Variants in THSD7B observed in about 807,000 individuals in gnomAD.
THSD7B encodes the protein thrombospondin type 1 domain containing 7B.
A neutral mutation model predicts 213.6 loss-of-function variants in THSD7B; 138 were observed. The ratio of observed to expected loss-of-function variants is 0.65; its 90% confidence interval spans 0.56 to 0.74. THSD7B has a LOEUF of 0.74. Among genes scored for constraint, THSD7B ranks in the 30% least tolerant of loss-of-function variants. THSD7B has a pLI of 0.00. For synonymous variants in THSD7B, 742 were observed against 687.0 expected, an observed-to-expected ratio of 1.08 and a Z score of -1.25; for missense variants, 1,931 against 1,991.5, an observed-to-expected ratio of 0.97 and a Z score of 0.58.
chr2:137,203,446 T>C, intron 7 of THSD7B, among the ~76,000 whole-genome samples: 1 of 152,248 alleles, frequency 6.6e-6, no homozygotes, highest in Middle Eastern at 3.4e-3. Context: ...ATTTTAATGA[T>C]AAATACTTTC....
intron 21 of THSD7B, among the ~76,000 whole-genome samples, chr2:137,648,617 C>T (rs1683081056): frequency 6.6e-6 from 1 of 152,092 alleles, no homozygotes; most frequent in South Asian, 2.1e-4. Context: ...GTTCTTTATC[C>T]ATTCATCCAT....
intron 1 of THSD7B, among the ~76,000 whole-genome samples, chr2:136,813,616 T>C (rs1331050660): frequency 6.6e-6 from 1 of 151,668 alleles, no homozygotes; most frequent in Non-Finnish European, 1.5e-5. Context: ...GAAAATGCCA[T>C]GATTCAGTTC....
chr2:136,943,901 A>T (rs566412458), intron 2 of THSD7B, among the ~76,000 whole-genome samples: 1 of 151,988 alleles, frequency 6.6e-6, no homozygotes, highest in Non-Finnish European at 1.5e-5. Flanking sequence ...CTCTGATGTT[A>T]GTTATTTCTT....
At chr2:137,349,182 C>G (rs903866179) in intron 12 of THSD7B, among the ~76,000 whole-genome samples, 4 of 151,656 alleles carry the variant, frequency 2.6e-5, no homozygotes, top group African/African-American at 7.3e-5. Flanking sequence ...CCGTTCAAGT[C>G]TATTGCTTTG....
chr2:137,142,236 T>C (rs1679601285), intron 5 of THSD7B, among the ~76,000 whole-genome samples: 1 of 152,114 alleles, frequency 6.6e-6, no homozygotes, highest in Admixed American at 6.6e-5. Flanking sequence ...TCTTGCTGTG[T>C]TATAACATGG....
At position 137,160,482 on chromosome 2, in the gene THSD7B, T is replaced by A. The variant is rs1315266104; in HGVS notation, c.1525+114T>A. 3.0e-6 allele frequency: 4 copies of A among 1,352,908 alleles called. No individual in the cohort carries two copies. In the East Asian group the frequency reaches 9.8e-5, roughly 33 times the overall value. The allele number at this position is 1,352,908 out of a possible 1,614,324, so 83.8% of individuals were successfully genotyped here. A position where few individuals can be genotyped will look rare whatever the true frequency, so the allele number is the denominator to read the frequency against. On this transcript the variant is annotated intron_variant, in intron 6 of 27. Coordinates refer to ENST00000409968, the MANE Select transcript of THSD7B (RefSeq NM_001316349.2). Reference sequence around the variant, plus strand: ...ACAATATTTGTTTGTAAAATTTAGATAACCAGCTCAAGCCTAACGGTATTC... The same window carrying A: ...ACAATATTTGTTTGTAAAATTTAGAAAACCAGCTCAAGCCTAACGGTATTC...
chr2:137,410,668 G>A (rs1187596270), intron 13 of THSD7B, among the ~76,000 whole-genome samples: 1 of 152,096 alleles, frequency 6.6e-6, no homozygotes, highest in African/African-American at 2.4e-5. Flanking sequence ...AAACCATGTG[G>A]CAATGAGAAA....
chr2:136,855,658 GA>G (rs1196646411), intron 1 of THSD7B, among the ~76,000 whole-genome samples: 1 of 151,132 alleles, frequency 6.6e-6, no homozygotes, highest in Non-Finnish European at 1.5e-5. Flanking sequence ...TTTTAGTAGA[GA>G]CGGGGTTTCA....
chr2:137,230,130 A>G (rs1476909272), intron 7 of THSD7B, among the ~76,000 whole-genome samples: 3 of 152,236 alleles, frequency 2.0e-5, no homozygotes, highest in Admixed American at 1.3e-4. Flanking sequence ...AAAGAGGAAT[A>G]TTTGAATTCT....
chr2:137,225,662 G>T (rs991525478), intron 7 of THSD7B, among the ~76,000 whole-genome samples: 4 of 152,034 alleles, frequency 2.6e-5, no homozygotes, highest in African/African-American at 9.7e-5. Flanking sequence ...CATGTGATGT[G>T]GTTAGCTAGA....
intron 12 of THSD7B, among the ~76,000 whole-genome samples, chr2:137,356,552 G>A (rs1413825491): frequency 6.6e-6 from 1 of 152,166 alleles, no homozygotes; most frequent in Non-Finnish European, 1.5e-5. Flanking sequence ...CACTGATTCT[G>A]TACTTGCCAT....
At chr2:137,539,072 CT>C (rs1680560034) in intron 15 of THSD7B, among the ~76,000 whole-genome samples, 1 of 151,620 alleles carries the variant, frequency 6.6e-6, no homozygotes, top group South Asian at 2.1e-4. Context: ...ATCACAAGTT[CT>C]TTACTTTTAT....
intron 2 of THSD7B, among the ~76,000 whole-genome samples, chr2:136,992,806 T>A (rs1208436766): frequency 6.6e-6 from 1 of 152,188 alleles, no homozygotes; most frequent in African/African-American, 2.4e-5. Context: ...CAATTGTAAG[T>A]CAGCCTGATA....
Position 137,012,694 on chromosome 2 carries a change from CCA to C in THSD7B, c.140-43723_140-43722del, listed in dbSNP as rs1480483214. Among the ~76,000 whole-genome samples the C allele has an allele frequency of 1.5e-4, 23 of 152,284 alleles. No individual in the cohort carries two copies. In the South Asian group the frequency reaches 3.3e-3, roughly 22 times the overall value. ...ATGACATTTGAGAAGTGTAGGACAA[CCA>C]CAGTTTTCACATCACATGTGGGCAG... On this transcript the variant is annotated intron_variant, in intron 2 of 27. Transcript: ENST00000409968.
At chr2:137,469,000 A>G (rs1444710583) in intron 15 of THSD7B, among the ~76,000 whole-genome samples, 3 of 152,194 alleles carry the variant, frequency 2.0e-5, no homozygotes, top group Non-Finnish European at 4.4e-5. Flanking sequence ...GTTTTTATGT[A>G]GTTGATTAGG....
intron 4 of THSD7B, among the ~76,000 whole-genome samples, chr2:137,095,639 G>T (rs536033830): frequency 6.6e-6 from 1 of 152,276 alleles, no homozygotes; most frequent in South Asian, 2.1e-4. Context: ...TTCAATTCCA[G>T]AGTCCCTAGG....
intron 2 of THSD7B, among the ~76,000 whole-genome samples, chr2:136,933,452 G>A (rs928283906): frequency 1.3e-5 from 2 of 151,964 alleles, no homozygotes; most frequent in East Asian, 1.9e-4. Context: ...GGTAGCTGGC[G>A]CCTGTAGTCC....
intron 2 of THSD7B, among the ~76,000 whole-genome samples, chr2:136,969,893 T>C (rs574448201): frequency 9.1e-4 from 138 of 152,276 alleles, no homozygotes; most frequent in African/African-American, 3.2e-3. Flanking sequence ...ATCTTTCCAA[T>C]TGAGGGAAGC....
chr2:136,934,876 C>T (rs1684695650), intron 2 of THSD7B, among the ~76,000 whole-genome samples: 1 of 152,168 alleles, frequency 6.6e-6, no homozygotes, highest in Admixed American at 6.5e-5. Context: ...GTTTATTTTA[C>T]AAAAGTGCTA....
Sources: gnomAD v4.1 joint callset for allele counts (sites outside exome capture counted in the v4.1 genomes callset) on GRCh38, gnomAD v4.1.1 for gene constraint, MANE v1.5 for transcripts, NCBI Gene and HGNC (gene_info 2026-07-23, HGNC 2026-07-21) for gene names.